Variants in LSS observed in about 807,000 individuals in gnomAD.
LSS encodes the protein 2,3-epoxysqualene-lanosterol cyclase.
A neutral mutation model predicts 110.3 loss-of-function variants in LSS; 90 were observed. The ratio of observed to expected loss-of-function variants is 0.82; its 90% CI spans 0.69 to 0.97. The LOEUF is 0.97. Among genes scored for constraint, LSS ranks in the 50% least tolerant of loss-of-function variants. The pLI is 0.00. For missense variants in LSS, 927 were observed against 990.0 expected (o/e 0.94, Z 0.85); for synonymous variants, 433 against 400.0 (o/e 1.08, Z -0.98).
intron 3 of LSS, chr21:46,227,311 A>G: frequency 1.9e-6 from 1 of 515,706 alleles, no homozygotes; most frequent in Non-Finnish European, 3.4e-6. Flanking sequence ...AAGGCAACAC[A>G]GAGCCCTAGA....
At chr21:46,208,386 G>C (rs2080082059) in intron 13 of LSS, 85 bp from the exon 14 acceptor site, 1 of 1,219,178 alleles carries the variant, frequency 8.2e-7, no homozygotes, top group East Asian at 2.5e-5. Flanking sequence ...AGACAGACTG[G>C]GCAGGACTGG....
chr21:46,218,723 T>G (rs2123750419), intron 6 of LSS, among the ~76,000 whole-genome samples: 1 of 150,540 alleles, frequency 6.6e-6, no homozygotes, highest in South Asian at 2.1e-4. Context: ...AAACAAACAC[T>G]GATCTTTTTT....
intron 18 of LSS, 37 bp downstream of exon 18, chr21:46,196,160 GATCCC>G (rs776328918): frequency 1.3e-6 from 2 of 1,589,174 alleles, no homozygotes; most frequent in South Asian, 2.2e-5. Flanking sequence ...GAAACCTGTG[GATCCC>G]GTGCATCTCT....
chr21:46,209,494 G>A lies in LSS; in HGVS notation c.1266+60C>T. On this transcript the variant is annotated intron_variant, in intron 13 of 21. Coordinates refer to ENST00000397728, the MANE Select transcript of LSS (RefSeq NM_002340.6). The surrounding 1 kb of genome is among the most constrained non-coding windows in gnomAD (Gnocchi z 4.4). The stretch of plus-strand genomic sequence containing the variant: ...GGTGAGGTGGGCACTTCTGCCTGCA[G>A]GAGCTCCCAGCCCTGATCCCCCTCT... 1 of 1,484,172 alleles carries A rather than the reference G, an allele frequency of 6.7e-7. No homozygotes were observed. Among genetic ancestry groups the A allele is most frequent in the Admixed American group, 2.1e-5 (1 of 47,190 alleles). The allele number at this position is 1,484,172 out of a possible 1,614,324, so 91.9% of individuals were successfully genotyped here.
chr21:46,215,764 A>T lies in LSS; in HGVS notation c.813T>A (p.Ile271=). The T allele has an allele frequency of 6.2e-7, 1 of 1,612,344 alleles. No homozygotes were observed. Residue 271 remains isoleucine (I), a synonymous_variant, in exon 8 of 22, where the codon ATT becomes ATA. Transcript: ENST00000397728. Reference sequence around the variant, plus strand: ...CGTTGTTCCTCTGCGCCAGCCAGTCAATGCTGGCGAAGTCCTCCACATAGA... The same window carrying T: ...CGTTGTTCCTCTGCGCCAGCCAGTCTATGCTGGCGAAGTCCTCCACATAGA... ...QELYVEDFAS[I]DWLAQRNNVA...
chr21:46,206,260 C>G lies in LSS; in HGVS notation c.1565-319G>C, dbSNP rs562068925. ...CTGAGATCCTCCCCCAAGACCAGTA[C>G]GGTGGCAACCATGCACACACAGCAG... is the stretch of plus-strand genomic sequence containing the variant. On this transcript the variant is annotated intron_variant, in intron 16 of 21. Transcript: ENST00000397728. Among the ~76,000 whole-genome samples the G allele has an allele frequency of 2.0e-4, 30 of 152,342 alleles. No individual in the cohort carries two copies. The Middle Eastern group carries it at 0.01, about 52-fold the overall frequency.
At chr21:46,205,809 A>G in intron 17 of LSS, 27 bp downstream of exon 17, 1 of 1,565,204 alleles carries the variant, frequency 6.4e-7, no homozygotes, top group Non-Finnish European at 8.7e-7. Flanking sequence ...GGCAGCGCCC[A>G]CACTGAATGG....
intron 17 of LSS, among the ~76,000 whole-genome samples, chr21:46,202,442 T>C (rs1432735885): frequency 1.3e-5 from 2 of 151,342 alleles, no homozygotes; most frequent in Non-Finnish European, 2.9e-5. Context: ...AAAATCACAC[T>C]AATATATTTA....
rs770046006 is a variant in LSS, at chr21:46,192,430, G to T, written c.1989-471C>A. The stretch of plus-strand genomic sequence containing the variant: ...CTGCTGCTCCTGCTCAAGCAGACCT[G>T]CCCTAGCTTTTAGGGTTTTAGGAAG... On this transcript the variant is annotated intron_variant, in intron 20 of 21. Transcript: ENST00000397728. 3 of 442,668 alleles carry T rather than the reference G, an allele frequency of 6.8e-6. No individual in the cohort carries two copies. The East Asian group carries it at 2.1e-4, about 31-fold the overall frequency. The allele number at this position is 442,668 out of a possible 1,614,324, so 27.4% of individuals were successfully genotyped here.
Position 46,197,705 on chromosome 21 carries a change from T to C in LSS, c.1671-1438A>G, listed in dbSNP as rs868394399. 5.9e-5 allele frequency among the ~76,000 whole-genome samples: 9 copies of C among 152,202 alleles called. No individual in the cohort carries two copies. The South Asian group carries it at 1.5e-3, about 25-fold the overall frequency. ...GAGATTGAGACCACCCTGGCTAACA[T>C]GGTGAAACCCCGTCTCTACTAAAAA... On this transcript the variant is annotated intron_variant, in intron 17 of 21. Coordinates refer to ENST00000397728, the MANE Select transcript of LSS (RefSeq NM_002340.6).
In LSS at chr21:46,216,275, T is replaced by A. The variant is rs2080205347; in HGVS notation, c.783+114A>T. 3.7e-6 allele frequency: 5 copies of A among 1,361,092 alleles called. No homozygotes were observed. The Admixed American group carries it at 8.8e-5, about 24-fold the overall frequency. The allele number at this position is 1,361,092 out of a possible 1,614,324, so 84.3% of individuals were successfully genotyped here. A position where few individuals can be genotyped will look rare whatever the true frequency, so the allele number is the denominator to read the frequency against. On this transcript the variant is annotated intron_variant, in intron 7 of 21. Coordinates refer to ENST00000397728, the MANE Select transcript of LSS (RefSeq NM_002340.6). The surrounding 1 kb of genome is among the most constrained non-coding windows in gnomAD (Gnocchi z 4.2). ...GTGGAGGCTCTGCTCCACAGGGCTC[T>A]CCGCTCCACAGGGCCACCAGGTGAG...
At chr21:46,204,227 G>A (rs944473397) in intron 17 of LSS, among the ~76,000 whole-genome samples, 2 of 152,174 alleles carry the variant, frequency 1.3e-5, no homozygotes, top group Middle Eastern at 3.4e-3. Context: ...CCCCGGAAAC[G>A]GAGGTTGCAG....
chr21:46,228,433 C>G lies in LSS; in HGVS notation c.180+1G>C. 1 of 1,602,066 alleles carries G rather than the reference C, an allele frequency of 6.2e-7. No homozygotes were observed. ...GCTGACGCTCCGCGGAAGCAACTTACGGTGTCCAGCCCCAGGGCGTAGGCT... is the reference window on the plus strand; with the variant it reads ...GCTGACGCTCCGCGGAAGCAACTTAGGGTGTCCAGCCCCAGGGCGTAGGCT... On this transcript the variant is annotated splice_donor_variant, in intron 2 of 21. Coordinates refer to ENST00000397728, the MANE Select transcript of LSS (RefSeq NM_002340.6). LOFTEE classifies it high-confidence loss of function.
chr21:46,218,394 C>T (rs2080233878), intron 6 of LSS, among the ~76,000 whole-genome samples: 1 of 152,104 alleles, frequency 6.6e-6, no homozygotes, highest in Non-Finnish European at 1.5e-5. Context: ...GAGGCCAAGG[C>T]AGGCGGATCA....
At position 46,227,618 on chromosome 21, in the gene LSS, C is replaced by T. The variant is rs377388671; in HGVS notation, c.253G>A (p.Val85Met). The T allele has an allele frequency of 5.6e-6, 9 of 1,613,754 alleles. No homozygotes were observed. The highest frequency in any genetic ancestry group is 3.3e-5 in the Admixed American group (2 of 59,998). ...TGCCCATCCTCAGCCTGCAGCCCCA[C>T]GTAAAATGTCATCCCGTTCAGAGCC... is the stretch of plus-strand genomic sequence containing the variant. ...EGALNGMTFY[V>M]GLQAEDGHWT... is the part of the protein sequence containing the mutation. Residue 85 changes from valine to methionine, a missense_variant, in exon 3 of 22, where the codon GTG becomes ATG. Transcript: ENST00000397728.
At position 46,222,636 on chromosome 21, in the gene LSS, C is replaced by G; in HGVS notation, c.422G>C (p.Trp141Ser). 1.2e-6 allele frequency: 2 copies of G among 1,613,244 alleles called. No individual in the cohort carries two copies. The highest frequency in any genetic ancestry group is 1.7e-6 in the Non-Finnish European group (2 of 1,179,926). ...CAGGGGCAGGCACACTCACAGGCCC[C>G]AGCCACCGTCAGGGAGCTGCACTGA... ...LRSVQLPDGG[W>S]GLHIEDKSTV... The change falls in exon 4 of 22, where the codon TGG becomes TCG. Residue 141 changes from tryptophan (W) to serine (S), a missense_variant. Coordinates refer to ENST00000397728, the MANE Select transcript of LSS (RefSeq NM_002340.6).
intron 20 of LSS, chr21:46,193,635 G>T (rs770186191): frequency 1.6e-5 from 7 of 444,712 alleles, no homozygotes; most frequent in South Asian, 1.1e-4. Flanking sequence ...ACCTGTGTGT[G>T]CATCTGTCTC....
At position 46,213,866 on chromosome 21, in the gene LSS, G is replaced by A. The variant is rs766933443; in HGVS notation, c.1012-31C>T. On this transcript the variant is annotated intron_variant, in intron 9 of 21. Transcript: ENST00000397728. ...GGAGAGACAGCCCTGTCAAGGCTCC[G>A]CTCCAGACCCACAGCAGCCTCCAGG... 72 of 1,515,982 alleles carry A rather than the reference G, an allele frequency of 4.7e-5. 1 individual carries two copies. The highest frequency in any genetic ancestry group is 8.5e-5 in the Admixed American group (5 of 58,910). The allele number at this position is 1,515,982 out of a possible 1,614,324, so 93.9% of individuals were successfully genotyped here. A position where few individuals can be genotyped will look rare whatever the true frequency, so the allele number is the denominator to read the frequency against.
At chr21:46,206,144 C>T (rs544785477) in intron 16 of LSS, among the ~76,000 whole-genome samples, 1 of 152,224 alleles carries the variant, frequency 6.6e-6, no homozygotes, top group Non-Finnish European at 1.5e-5. Context: ...GGGAACACAG[C>T]AGAAAGCTGC....
Sources: allele counts gnomAD v4.1 joint callset (sites outside exome capture counted in the v4.1 genomes callset), GRCh38; gene constraint gnomAD v4.1.1; non-coding constraint Gnocchi (gnomAD v3.1); transcripts MANE v1.5; gene names NCBI Gene and HGNC (gene_info 2026-07-23, HGNC 2026-07-21).